The following DNAH6 variants were observed in gnomAD, a reference collection of about 807,000 sequenced individuals.
The protein encoded by DNAH6 is dynein axonemal heavy chain 6.
In DNAH6, 340 loss-of-function variants were observed where a neutral mutation model predicts 491.4. The ratio of observed to expected loss-of-function variants is 0.69; its 90% CI spans 0.63 to 0.76. DNAH6 has a LOEUF of 0.76. DNAH6 is among the 30% of genes least tolerant of loss of function. DNAH6 has a pLI of 0.00. For missense variants in DNAH6, 4,443 were observed against 4,972.2 expected, an observed-to-expected ratio of 0.89 and a Z score of 3.20; for synonymous variants, 1,603 against 1,686.1, an observed-to-expected ratio of 0.95 and a Z score of 1.21.
chr2:84,592,517 A>G (rs916388095), intron 16 of DNAH6, among the ~76,000 whole-genome samples: 8 of 152,224 alleles, frequency 5.3e-5, no homozygotes, highest in Admixed American at 1.3e-4. Flanking sequence ...TGCAAACACT[A>G]TGGAAAACAG....
intron 11 of DNAH6, among the ~76,000 whole-genome samples, chr2:84,566,854 A>G (rs1037380286): frequency 3.9e-5 from 6 of 152,124 alleles, no homozygotes; most frequent in East Asian, 1.9e-4. Context: ...TGTATAAAAT[A>G]TATAGTATCT....
intron 72 of DNAH6, among the ~76,000 whole-genome samples, chr2:84,811,292 C>T (rs532085075): frequency 2.0e-5 from 3 of 152,332 alleles, no homozygotes; most frequent in African/African-American, 7.2e-5. Context: ...ATAAATTTTG[C>T]CTCTAACGTC....
chr2:84,707,774 G>C, intron 54 of DNAH6, 58 bp downstream of exon 54: 1 of 1,393,506 alleles, frequency 7.2e-7, no homozygotes, highest in Non-Finnish European at 9.8e-7. Flanking sequence ...TGGAGCCAGG[G>C]GTGGTTCATT....
At position 84,634,729 on chromosome 2, in the gene DNAH6, T is replaced by C. The variant is rs1252916069; in HGVS notation, c.4653+88T>C. On this transcript the variant is annotated intron_variant, in intron 30 of 76. Coordinates refer to ENST00000389394, the MANE Select transcript of DNAH6 (RefSeq NM_001370.2). The stretch of plus-strand genomic sequence containing the variant: ...ATGTTACATTTTAGGAAGGAGATGC[T>C]AAAAATGTTAGGGAGGAATCCTGGG... 4 of 1,379,810 alleles carry C rather than the reference T, an allele frequency of 2.9e-6. No homozygotes were observed. The East Asian group carries it at 8.5e-5, about 29-fold the overall frequency. 85.5% of individuals were successfully genotyped at this position (1,379,810 alleles called of 1,614,324 possible).
At chr2:84,758,465 A>T (rs796206437) in intron 63 of DNAH6, among the ~76,000 whole-genome samples, 10 of 152,308 alleles carry the variant, frequency 6.6e-5, no homozygotes, top group African/African-American at 2.4e-4. Context: ...ATAAGGACAC[A>T]ACAAAAAAAG....
intron 33 of DNAH6, among the ~76,000 whole-genome samples, chr2:84,649,341 A>G (rs1308379753): frequency 1.3e-5 from 2 of 152,198 alleles, no homozygotes; most frequent in Non-Finnish European, 2.9e-5. Context: ...TACGATGTTC[A>G]TAATAGGAGC....
chr2:84,565,400 A>G (rs1681094260), intron 11 of DNAH6, among the ~76,000 whole-genome samples: 1 of 150,936 alleles, frequency 6.6e-6, no homozygotes, highest in East Asian at 1.9e-4. Flanking sequence ...TCGGGGTTTC[A>G]CTGTCATTCT....
At chr2:84,615,112 G>A (rs757766325) in intron 22 of DNAH6, among the ~76,000 whole-genome samples, 4 of 151,890 alleles carry the variant, frequency 2.6e-5, no homozygotes, top group South Asian at 2.1e-4. Flanking sequence ...AAGTTCTTGC[G>A]TAAGCCAATG....
Position 84,553,363 on chromosome 2 carries a change from TCTTTTCTTTC to T in DNAH6, c.1602+330_1602+339del, listed in dbSNP as rs1679625786. 4.5e-4 allele frequency among the ~76,000 whole-genome samples: 4 copies of T among 8,948 alleles called. No homozygotes were observed. In the South Asian group the frequency reaches 0.011, roughly 25 times the overall value. The allele number at this position is 8,948 out of a possible 152,430, so 5.9% of individuals were successfully genotyped here. A position where few individuals can be genotyped will look rare whatever the true frequency, so the allele number is the denominator to read the frequency against. On this transcript the variant is annotated intron_variant, in intron 10 of 76. Coordinates refer to ENST00000389394, the MANE Select transcript of DNAH6 (RefSeq NM_001370.2). ...CCTTTTCCTTTCTTTTCTTTTCTTTTCTTTTCTTTCTTTCTTTCTTTCTTTCTTTCTTTCT... is the reference window on the plus strand; with the variant it reads ...CCTTTTCCTTTCTTTTCTTTTCTTTTTTTCTTTCTTTCTTTCTTTCTTTCT...
At position 84,706,971 on chromosome 2, in the gene DNAH6, G is replaced by A; in HGVS notation, c.8803G>A (p.Ala2935Thr). ...LLRQVEDQIQ[A>T]LQDEYDKGVN... ...AAGACAAGTAGAAGATCAAATACAG[G>A]CCTTACAAGATGAATATGACAAAGG... is the stretch of plus-strand genomic sequence containing the variant. The change falls in exon 53 of 77, where the codon GCC becomes ACC. Residue 2935 changes from alanine (A) to threonine (T), a missense_variant. Ala to Thr is a moderately conservative substitution (Grantham distance 58). Transcript: ENST00000389394. 6.5e-7 allele frequency: 1 copy of A among 1,539,858 alleles called. No individual in the cohort carries two copies. Among genetic ancestry groups the A allele is most frequent in the Non-Finnish European group, 8.7e-7 (1 of 1,144,664 alleles).
chr2:84,530,164 A>C (rs939564772), intron 4 of DNAH6, among the ~76,000 whole-genome samples: 3 of 152,148 alleles, frequency 2.0e-5, no homozygotes, highest in African/African-American at 7.2e-5. Flanking sequence ...CATGGAACTG[A>C]CATTTTAGCA....
At chr2:84,476,558 G>C in the DNAH6 span, among the ~76,000 whole-genome samples, 3 of 152,104 alleles carry the variant, frequency 2.0e-5, no homozygotes, top group Non-Finnish European at 1.5e-5. Flanking sequence ...TCTGAAGTTA[G>C]ATTTTTACAC....
chr2:84,610,222 A>G (rs72922712), intron 21 of DNAH6, among the ~76,000 whole-genome samples: 6,171 of 152,206 alleles, frequency 0.041, 404 homozygotes, highest in African/African-American at 0.14. Flanking sequence ...CTTTTTCTTT[A>G]TGTGTGGGCT....
intron 62 of DNAH6, among the ~76,000 whole-genome samples, chr2:84,744,198 A>C (rs1036996389): frequency 2.6e-5 from 4 of 152,248 alleles, no homozygotes; most frequent in Admixed American, 2.6e-4. Context: ...GAGCCCCTGC[A>C]GACAAGCTAG....
At chr2:84,607,578 C>T (rs1685897994) in intron 21 of DNAH6, among the ~76,000 whole-genome samples, 1 of 152,152 alleles carries the variant, frequency 6.6e-6, no homozygotes, top group African/African-American at 2.4e-5. Flanking sequence ...CCTCAAACCT[C>T]AGCATTACAC....
intron 2 of DNAH6, among the ~76,000 whole-genome samples, chr2:84,524,669 C>G (rs1676451932): frequency 6.6e-6 from 1 of 151,868 alleles, no homozygotes; most frequent in Non-Finnish European, 1.5e-5. Context: ...TATTTGTTTT[C>G]CTTATTAATT....
chr2:84,506,700 A>AG, the DNAH6 span, among the ~76,000 whole-genome samples: 146,894 of 152,310 alleles, frequency 0.96, 70,883 homozygotes, highest in East Asian at 1. Flanking sequence ...TTATGGCTTT[A>AG]GTTTAACATG....
chr2:84,702,751 G>A (rs1406571116), intron 49 of DNAH6, among the ~76,000 whole-genome samples: 2 of 151,918 alleles, frequency 1.3e-5, no homozygotes, highest in Admixed American at 1.3e-4. Flanking sequence ...GCTGTAGCCA[G>A]GATGGTCTCA....
In DNAH6 at chr2:84,584,224, G is replaced by A; in HGVS notation, c.2455G>A (p.Val819Met). The change falls in exon 15 of 77, where the codon GTG (valine) becomes ATG (methionine). Residue 819 changes from valine (V) to methionine (M), a missense_variant. By Grantham distance (21) the Val-to-Met change is conservative. Coordinates refer to ENST00000389394, the MANE Select transcript of DNAH6 (RefSeq NM_001370.2). Reference sequence around the variant, plus strand: ...TGATCTTGAAGAATTAAACAACGAAGTGAATGAAGTAAAACTGCAAGCACA... The same window carrying A: ...TGATCTTGAAGAATTAAACAACGAAATGAATGAAGTAAAACTGCAAGCACA... ...GSDLEELNNE[V>M]NEVKLQAQDP... The A allele has an allele frequency of 6.2e-7, 1 of 1,614,006 alleles. No individual in the cohort carries two copies. Among genetic ancestry groups the A allele is most frequent in the South Asian group, 1.1e-5 (1 of 91,054 alleles).
Sources: allele counts gnomAD v4.1 joint callset (sites outside exome capture counted in the v4.1 genomes callset), GRCh38; gene constraint gnomAD v4.1.1; transcripts MANE v1.5; gene names NCBI Gene and HGNC (gene_info 2026-07-23, HGNC 2026-07-21).